The following RUNX1 variants were observed in gnomAD, a reference collection of about 807,000 sequenced individuals.
RUNX1 encodes the protein RUNX family transcription factor 1.
In RUNX1, 19 loss-of-function variants were observed where a neutral mutation model predicts 42.8. The observed-to-expected ratio is 0.44, with a 90% CI of 0.31 to 0.65. The LOEUF (loss-of-function observed/expected upper bound fraction) is 0.65. Among genes scored for constraint, RUNX1 ranks in the 30% least tolerant of loss-of-function variants. RUNX1 has a pLI of 0.07. For synonymous variants in RUNX1, 271 were observed against 289.4 expected (o/e 0.94, Z 0.64); for missense variants, 528 against 672.0 (o/e 0.79, Z 2.37).
chr21:34,941,901 T>G (rs1256426660), intron 2 of RUNX1, among the ~76,000 whole-genome samples: 1 of 151,964 alleles, frequency 6.6e-6, no homozygotes, highest in Admixed American at 6.6e-5. Flanking sequence ...GCTTGTAAGC[T>G]TACTTCATCT....
intron 5 of RUNX1, among the ~76,000 whole-genome samples, chr21:34,868,832 G>A (rs1324360471): frequency 6.6e-6 from 1 of 152,176 alleles, no homozygotes. Context: ...GCACACAGTA[G>A]GTGCACAATG....
intron 2 of RUNX1, among the ~76,000 whole-genome samples, chr21:34,917,913 G>C (rs1673604728): frequency 6.6e-6 from 1 of 151,986 alleles, no homozygotes; most frequent in Non-Finnish European, 1.5e-5. Flanking sequence ...GATGGATCAT[G>C]AGGTCAGGAG....
intron 7 of RUNX1, among the ~76,000 whole-genome samples, chr21:34,830,325 G>A (rs2057045640): frequency 6.6e-6 from 1 of 152,114 alleles, no homozygotes; most frequent in South Asian, 2.1e-4. Flanking sequence ...CTCTTATTTA[G>A]AGATTCATTA....
chr21:34,802,696 T>C (rs2056624611), intron 7 of RUNX1, among the ~76,000 whole-genome samples: 1 of 152,134 alleles, frequency 6.6e-6, no homozygotes, highest in Non-Finnish European at 1.5e-5. Context: ...GTTCCCAAGG[T>C]AGAAACAAGA....
At chr21:34,928,057 G>A (rs2058409426) in intron 2 of RUNX1, among the ~76,000 whole-genome samples, 1 of 152,168 alleles carries the variant, frequency 6.6e-6, no homozygotes, top group African/African-American at 2.4e-5. Context: ...GCCAGAATTA[G>A]TCATCACTAT....
At chr21:34,928,639 C>T (rs1263872345) in intron 2 of RUNX1, among the ~76,000 whole-genome samples, 2 of 151,294 alleles carry the variant, frequency 1.3e-5, no homozygotes, top group Non-Finnish European at 2.9e-5. Context: ...AAGATCGCGC[C>T]ACTGCACTCC....
intron 5 of RUNX1, among the ~76,000 whole-genome samples, chr21:34,859,949 A>C (rs1569062254): frequency 6.6e-6 from 1 of 152,246 alleles, no homozygotes; most frequent in Non-Finnish European, 1.5e-5. Flanking sequence ...ATTCAGGGCA[A>C]ATAAGAGTAG....
At chr21:34,976,509 G>A (rs2058803153) in intron 2 of RUNX1, among the ~76,000 whole-genome samples, 1 of 152,208 alleles carries the variant, frequency 6.6e-6, no homozygotes, top group African/African-American at 2.4e-5. Flanking sequence ...CCCCCTGGGT[G>A]CAATATTGCT....
rs2057266887 is a variant in RUNX1, at chr21:34,843,211, C to T, written c.614-8610G>A. ...ACACACATACACAGACACCTGGACA[C>T]ACACACAGATATAAAACACACATGG... is the stretch of plus-strand genomic sequence containing the variant. On this transcript the variant is annotated intron_variant, in intron 6 of 8. Coordinates refer to ENST00000675419, the MANE Select transcript of RUNX1 (RefSeq NM_001754.5). This position sits in a 1 kb window ranked among gnomAD's most constrained non-coding sequence, Gnocchi z 4.8. 6.6e-6 allele frequency among the ~76,000 whole-genome samples: 1 copy of T among 152,066 alleles called. No homozygotes were observed. The highest frequency in any genetic ancestry group is 2.1e-4 in the South Asian group (1 of 4,824).
intron 2 of RUNX1, among the ~76,000 whole-genome samples, chr21:34,960,866 T>A (rs2058676942): frequency 6.6e-6 from 1 of 152,082 alleles, no homozygotes; most frequent in Admixed American, 6.6e-5. Context: ...TTGGGGTGAA[T>A]GACAATGGGA....
intron 6 of RUNX1, among the ~76,000 whole-genome samples, chr21:34,842,666 GCACA>G (rs2057256452): frequency 6.6e-6 from 1 of 152,060 alleles, no homozygotes; most frequent in South Asian, 2.1e-4. Flanking sequence ...CCTCTCACAC[GCACA>G]CACAGAGAGA....
chr21:34,875,053 C>A (rs191251944), intron 5 of RUNX1, among the ~76,000 whole-genome samples: 1 of 152,148 alleles, frequency 6.6e-6, no homozygotes, highest in Non-Finnish European at 1.5e-5. Flanking sequence ...ATACAAATAA[C>A]CTCAATTTAA....
chr21:35,004,641 G>A (rs1453928654), intron 2 of RUNX1, among the ~76,000 whole-genome samples: 3 of 152,208 alleles, frequency 2.0e-5, no homozygotes, highest in Non-Finnish European at 4.4e-5. Flanking sequence ...TCCATGGACT[G>A]TTTGAAGCAG....
At chr21:34,961,153 A>C (rs956854569) in intron 2 of RUNX1, among the ~76,000 whole-genome samples, 1 of 152,232 alleles carries the variant, frequency 6.6e-6, no homozygotes, top group South Asian at 2.1e-4. Context: ...AGATGGATGG[A>C]TCATGAGGTC....
chr21:34,897,047 G>A (rs1235497925), intron 2 of RUNX1, among the ~76,000 whole-genome samples: 2 of 152,198 alleles, frequency 1.3e-5, no homozygotes, highest in East Asian at 1.9e-4. Context: ...TGTTTGCCAT[G>A]TGTATTTTAC....
intron 2 of RUNX1, among the ~76,000 whole-genome samples, chr21:34,927,621 G>A (rs534266109): frequency 7.9e-5 from 12 of 152,192 alleles, no homozygotes; most frequent in East Asian, 7.7e-4. Flanking sequence ...CCCTTGCCTC[G>A]AATTTGCCAT....
At chr21:34,819,848 C>T (rs1455243167) in intron 7 of RUNX1, among the ~76,000 whole-genome samples, 2 of 152,234 alleles carry the variant, frequency 1.3e-5, no homozygotes, top group Non-Finnish European at 2.9e-5. Flanking sequence ...ACTCGCACAC[C>T]TGTTTGCCAT....
intron 2 of RUNX1, among the ~76,000 whole-genome samples, chr21:34,941,818 T>G (rs934715832): frequency 6.6e-6 from 1 of 151,550 alleles, no homozygotes; most frequent in African/African-American, 2.4e-5. Context: ...TTCTTTTTCT[T>G]TTATTTTTTT....
intron 7 of RUNX1, among the ~76,000 whole-genome samples, chr21:34,808,686 A>G (rs949402825): frequency 1.3e-5 from 2 of 152,178 alleles, no homozygotes; most frequent in African/African-American, 4.8e-5. Context: ...CTATAAACGC[A>G]AAATGCAATT....
Sources: allele counts gnomAD v4.1 joint callset (sites outside exome capture counted in the v4.1 genomes callset), GRCh38; gene constraint gnomAD v4.1.1; non-coding constraint Gnocchi (gnomAD v3.1); transcripts MANE v1.5; gene names NCBI Gene and HGNC (gene_info 2026-07-23, HGNC 2026-07-21).